Variants in MMUT observed in about 807,000 individuals in gnomAD.
MMUT encodes the protein methylmalonyl-CoA mutase.
A neutral mutation model predicts 79.9 loss-of-function variants in MMUT; 79 were observed. The observed-to-expected ratio is 0.99, with a 90% CI of 0.82 to 1.19. The LOEUF is 1.19. Among genes scored for constraint, MMUT ranks in the 50% most tolerant of loss-of-function variants. MMUT has a pLI of 0.00. For missense variants in MMUT, 860 were observed against 917.2 expected, an observed-to-expected ratio of 0.94 and a Z score of 0.81; for synonymous variants, 273 against 295.7, an observed-to-expected ratio of 0.92 and a Z score of 0.79.
chr6:49,454,084 G>C (rs539972094), intron 4 of MMUT, among the ~76,000 whole-genome samples: 45 of 152,250 alleles, frequency 3.0e-4, no homozygotes, highest in Admixed American at 5.9e-4. Context: ...TACTCAATAT[G>C]TAAGACAGGA....
In MMUT at chr6:49,451,552, A is replaced by T. The variant is rs781071952; in HGVS notation, c.1246T>A (p.Ser416Thr). 6.2e-7 allele frequency: 1 copy of T among 1,614,154 alleles called. No homozygotes were observed. The highest frequency in any genetic ancestry group is 1.1e-5 in the South Asian group (1 of 91,084). The change falls in exon 6 of 13, where the codon TCT becomes ACT. Residue 416 changes from serine to threonine, a missense_variant. By Grantham distance (58) the Ser-to-Thr change is moderately conservative. Transcript: ENST00000274813. Reference sequence around the variant, plus strand: ...GGATCAGCCACTTTGGGAATCCCAGATTCTTCTTGAATGATGATTTGTGTG... The same window carrying T: ...GGATCAGCCACTTTGGGAATCCCAGTTTCTTCTTGAATGATGATTTGTGTG... ...RNTQIIIQEE[S>T]GIPKVADPWG...
chr6:49,446,981 T>A (rs1767425605), intron 8 of MMUT, among the ~76,000 whole-genome samples: 1 of 151,814 alleles, frequency 6.6e-6, no homozygotes, highest in Non-Finnish European at 1.5e-5. Flanking sequence ...TGCCAAAGAT[T>A]AAGAGGCCAA....
rs756355886 is a variant in MMUT at position 49,447,656 on chromosome 6, C to G, written c.1560+14G>C. The stretch of plus-strand genomic sequence containing the variant: ...AAATACTTAAAAAAAAAAAAAAAAG[C>G]AAGCTATTAATACCTTCTTAAGTTT... On this transcript the variant is annotated intron_variant, in intron 8 of 12. Coordinates refer to ENST00000274813, the MANE Select transcript of MMUT (RefSeq NM_000255.4). 7.8e-7 allele frequency: 1 copy of G among 1,289,182 alleles called. No homozygotes were observed. The highest frequency in any genetic ancestry group is 1.1e-6 in the Non-Finnish European group (1 of 921,422). The allele number at this position is 1,289,182 out of a possible 1,614,324, so 79.9% of individuals were successfully genotyped here.
chr6:49,431,899 AT>A, intron 12 of MMUT, 43 bp from the exon 13 acceptor site: 2 of 1,591,858 alleles, frequency 1.3e-6, no homozygotes, highest in Non-Finnish European at 1.7e-6. Flanking sequence ...CACTATTTCC[AT>A]TTTCACGGAA....
At chr6:49,444,960 A>T (rs545759380) in intron 8 of MMUT, among the ~76,000 whole-genome samples, 1 of 152,262 alleles carries the variant, frequency 6.6e-6, no homozygotes, top group South Asian at 2.1e-4. Flanking sequence ...TCCTAAAATA[A>T]TATTACATTT....
In MMUT at chr6:49,457,819, GTA is replaced by G; in HGVS notation, c.623_624del (p.Val208AlafsTer2). 1 of 1,613,400 alleles carries G rather than the reference GTA, an allele frequency of 6.2e-7. No individual in the cohort carries two copies. Among genetic ancestry groups the G allele is most frequent in the Non-Finnish European group, 8.5e-7 (1 of 1,179,494 alleles). On this transcript the variant is annotated frameshift_variant, in exon 3 of 13. Coordinates refer to ENST00000274813, the MANE Select transcript of MMUT (RefSeq NM_000255.4). LOFTEE classifies it high-confidence loss of function. ...NFIVTGEEQG[V>X]PKEKLTGTIQ... Reference sequence around the variant, plus strand: ...ATGGTACCAGTAAGCTTCTCTTTAGGTACACCTTGTTCTTCTCCAGTTACTAT... The same window carrying G: ...ATGGTACCAGTAAGCTTCTCTTTAGGCACCTTGTTCTTCTCCAGTTACTAT...
intron 12 of MMUT, among the ~76,000 whole-genome samples, chr6:49,434,436 A>G (rs1207472917): frequency 6.6e-6 from 1 of 152,100 alleles, no homozygotes; most frequent in Admixed American, 6.5e-5. Flanking sequence ...CTGAGTATTA[A>G]TGGAGGAAAA....
chr6:49,462,702 C>T lies in MMUT; in HGVS notation c.-40+401G>A, dbSNP rs547504100. Among the ~76,000 whole-genome samples, 10 of 152,234 alleles carry T rather than the reference C, an allele frequency of 6.6e-5. No homozygotes were observed. The East Asian group carries it at 1.9e-3, about 29-fold the overall frequency. ...TTATTCCCGAAAACTCTTAGAAAAACCCTGACAATAACATAACCCACAACC... is the reference window on the plus strand; with the variant it reads ...TTATTCCCGAAAACTCTTAGAAAAATCCTGACAATAACATAACCCACAACC... On this transcript the variant is annotated intron_variant, in intron 1 of 12. Coordinates refer to ENST00000274813, the MANE Select transcript of MMUT (RefSeq NM_000255.4).
rs1004578092 is a variant in MMUT, at chr6:49,444,833, A to T, written c.1561-79T>A. 4 of 1,086,346 alleles carry T rather than the reference A, an allele frequency of 3.7e-6. No homozygotes were observed. The African/African-American group carries it at 6.2e-5, about 17-fold the overall frequency. The allele number at this position is 1,086,346 out of a possible 1,614,324, so 67.3% of individuals were successfully genotyped here. The stretch of plus-strand genomic sequence containing the variant: ...AGATCAAGAGATTAGACCCTGATGC[A>T]TAGCATATGGCATTTTTTTCCATAA... On this transcript the variant is annotated intron_variant, in intron 8 of 12. Coordinates refer to ENST00000274813, the MANE Select transcript of MMUT (RefSeq NM_000255.4).
rs760130347 is a variant in MMUT at position 49,444,783 on chromosome 6, T to A, written c.1561-29A>T. 10 of 1,531,114 alleles carry A rather than the reference T, an allele frequency of 6.5e-6. No individual in the cohort carries two copies. The African/African-American group carries it at 8.2e-5, about 13-fold the overall frequency. 94.8% of individuals were successfully genotyped at this position (1,531,114 alleles called of 1,614,324 possible). The stretch of plus-strand genomic sequence containing the variant: ...TGGAAAAAGTCAAGGAAAGGGACAA[T>A]TTACATGAAGAGAGAATAAAACAGA... On this transcript the variant is annotated intron_variant, in intron 8 of 12. Transcript: ENST00000274813.
In MMUT at chr6:49,431,805, T is replaced by A. The variant is rs746950479; in HGVS notation, c.2176A>T (p.Thr726Ser). ...VGVSNVFGPG[T>S]RIPKAAVQVL... ...TGAACGGCAGCCTTTGGAATTCGAGTCCCAGGACCAAATACATTGGAAACA... is the reference window on the plus strand; with the variant it reads ...TGAACGGCAGCCTTTGGAATTCGAGACCCAGGACCAAATACATTGGAAACA... The change falls in exon 13 of 13, where the codon ACT (threonine) becomes TCT (serine). Residue 726 changes from threonine (T) to serine (S), a missense_variant. Physicochemically the swap from Thr to Ser is moderately conservative, Grantham distance 58. Transcript: ENST00000274813. 5.0e-6 allele frequency: 8 copies of A among 1,613,826 alleles called. No homozygotes were observed. Among genetic ancestry groups the A allele is most frequent in the Non-Finnish European group, 6.8e-6 (8 of 1,179,820 alleles).
Position 49,435,526 on chromosome 6 carries a change from A to T in MMUT, c.2054T>A (p.Leu685His). The T allele has an allele frequency of 6.2e-7, 1 of 1,614,164 alleles. No homozygotes were observed. The highest frequency in any genetic ancestry group is 8.5e-7 in the Non-Finnish European group (1 of 1,180,008). Residue 685 changes from leucine (L) to histidine (H), a missense_variant, in exon 12 of 13, where the codon CTC becomes CAC. Transcript: ENST00000274813. ...AAGHKTLVPE[L>H]IKELNSLGRP... Reference sequence around the variant, plus strand: ...TCCAAGGGAGTTAAGTTCTTTGATGAGTTCAGGAACTAGGGTTTTATGACC... The same window carrying T: ...TCCAAGGGAGTTAAGTTCTTTGATGTGTTCAGGAACTAGGGTTTTATGACC...
In MMUT at chr6:49,440,315, C is replaced by A; in HGVS notation, c.1847G>T (p.Arg616Leu). The A allele has an allele frequency of 6.2e-7, 1 of 1,613,982 alleles. No homozygotes were observed. The highest frequency in any genetic ancestry group is 8.5e-7 in the Non-Finnish European group (1 of 1,179,946). The change falls in exon 11 of 13, where the codon CGT becomes CTT. Residue 616 changes from arginine (R) to leucine (L), a missense_variant. Transcript: ENST00000274813. ...KFMEREGRRP[R>L]LLVAKMGQDG... is the part of the protein sequence containing the mutation. ...TTGTCCCATTTTTGCTACAAGAAGA[C>A]GAGGTCTGCGACCTTCACGTTCCAT...
In MMUT at chr6:49,457,109, T is replaced by C. The variant is rs143259042; in HGVS notation, c.753+582A>G. Among the ~76,000 whole-genome samples, 227 of 152,252 alleles carry C rather than the reference T, an allele frequency of 1.5e-3. 3 individuals are homozygous for C. The highest frequency in any genetic ancestry group is 9.9e-3 in the Admixed American group (152 of 15,294). ...ATGAAATAATGATCTAACTTTAACG[T>C]AGGTAAGGAGAAGGAGTACGTTGCT... is the stretch of plus-strand genomic sequence containing the variant. On this transcript the variant is annotated intron_variant, in intron 3 of 12. Transcript: ENST00000274813.
intron 8 of MMUT, 57 bp from the exon 9 acceptor site, chr6:49,444,811 T>A: frequency 7.1e-7 from 1 of 1,403,364 alleles, no homozygotes; most frequent in Non-Finnish European, 1.0e-6. Context: ...AAAACAGAGA[T>A]CAAGAGATTA....
At chr6:49,458,798 C>A (rs954212062) in intron 2 of MMUT, among the ~76,000 whole-genome samples, 4 of 152,192 alleles carry the variant, frequency 2.6e-5, no homozygotes, top group South Asian at 2.1e-4. Flanking sequence ...GAACATTTTT[C>A]GAAGGCAAAG....
chr6:49,459,405 TC>T lies in MMUT; in HGVS notation c.61del (p.Glu21AsnfsTer31), dbSNP rs1175911504. On this transcript the variant is annotated frameshift_variant, in exon 2 of 13. Coordinates refer to ENST00000274813, the MANE Select transcript of MMUT (RefSeq NM_000255.4). LOFTEE classifies it high-confidence loss of function. ...CTGTATGAGCCTGGAGCCTGATGAT[TC>T]TTTTACCTGCCTCAGGTAATGAGGT... ...LSPHYLRQVK[E>X]SSGSRLIQQR... is the part of the protein sequence containing the mutation. 1 of 1,613,490 alleles carries T rather than the reference TC, an allele frequency of 6.2e-7. No individual in the cohort carries two copies.
Position 49,456,166 on chromosome 6 carries a change from C to A in MMUT, c.825G>T (p.Leu275=). 6.2e-7 allele frequency: 1 copy of A among 1,611,754 alleles called. No homozygotes were observed. Residue 275 remains leucine, a synonymous_variant, in exon 4 of 13, where the codon CTG becomes CTT. Coordinates refer to ENST00000274813, the MANE Select transcript of MMUT (RefSeq NM_000255.4). ...CATCTGCTAAAGTATAGGCCAGCTC[C>A]AGAATGGCATCAGCCCCTGCTTCCT... ...HMQEAGADAI[L]ELAYTLADGL...
At position 49,448,916 on chromosome 6, in the gene MMUT, T is replaced by G. The variant is rs776762981; in HGVS notation, c.1344A>C (p.Glu448Asp). The G allele has an allele frequency of 1.2e-6, 2 of 1,609,154 alleles. No individual in the cohort carries two copies. The highest frequency in any genetic ancestry group is 1.7e-6 in the Non-Finnish European group (2 of 1,175,692). Residue 448 changes from glutamate (E) to aspartate (D), a missense_variant, in exon 7 of 13, where the codon GAA (glutamate) becomes GAC (aspartate). By Grantham distance (45) the Glu-to-Asp change is conservative. Coordinates refer to ENST00000274813, the MANE Select transcript of MMUT (RefSeq NM_000255.4). ...TGGCCATTCCACCCATTTCTTCAAT[T>G]TCATTAATGAGCTAAAAAGAAAAAC... ...VYDAALKLINEIEEMGGMAKA... is the reference protein window; with the variant it reads ...VYDAALKLINDIEEMGGMAKA...
Sources: gnomAD v4.1 joint callset for allele counts (sites outside exome capture counted in the v4.1 genomes callset) on GRCh38, gnomAD v4.1.1 for gene constraint, MANE v1.5 for transcripts, NCBI Gene and HGNC (gene_info 2026-07-23, HGNC 2026-07-21) for gene names.